MKI67: variants seen among roughly 807,000 people sequenced by gnomAD.
MKI67 encodes proliferation marker protein Ki-67.
A neutral mutation model predicts 233.5 loss-of-function variants in MKI67; 152 were observed. That is an observed-to-expected ratio of 0.65 (90% confidence interval 0.57 to 0.74). The LOEUF (loss-of-function observed/expected upper bound fraction) is 0.74, where lower values mean the gene tolerates loss of function less well. Ranked by LOEUF, MKI67 falls within the 30% of genes least tolerant of loss-of-function variation. MKI67 has a pLI of 0.00. For missense variants in MKI67, 3,940 were observed against 3,885.2 expected (o/e 1.01, Z -0.37); for synonymous variants, 1,465 against 1,418.5 (o/e 1.03, Z -0.74).
chr10:128,100,409 G>T (rs1333865874), intron 14 of MKI67, among the ~76,000 whole-genome samples: 3 of 152,206 alleles, frequency 2.0e-5, no homozygotes, highest in Admixed American at 6.5e-5. Context: ...GCCGAAGAGG[G>T]TCTGTCTGGA....
At chr10:128,113,215 C>G (rs921326961) in intron 8 of MKI67, among the ~76,000 whole-genome samples, 5 of 152,080 alleles carry the variant, frequency 3.3e-5, no homozygotes, top group African/African-American at 1.2e-4. Flanking sequence ...ACTCCCCCGA[C>G]TCGGTCGCAT....
intron 2 of MKI67, among the ~76,000 whole-genome samples, chr10:128,124,374 T>C (rs756124347): frequency 3.3e-5 from 5 of 152,202 alleles, no homozygotes; most frequent in Non-Finnish European, 7.4e-5. Context: ...TTCTGTATTG[T>C]GGGGGCTGCC....
intron 14 of MKI67, 38 bp downstream of exon 14, chr10:128,101,220 C>T: frequency 6.3e-7 from 1 of 1,582,046 alleles, no homozygotes; most frequent in Non-Finnish European, 8.6e-7. Flanking sequence ...TCAAAACATT[C>T]TGTGTCTTTT....
Position 128,112,445 on chromosome 10 carries a change from C to T in MKI67, c.1657G>A (p.Glu553Lys), listed in dbSNP as rs1477825923. Residue 553 changes from glutamate (E) to lysine (K), a missense_variant and splice_region_variant, in exon 9 of 15, where the codon GAA becomes AAA. Transcript: ENST00000368654. The stretch of plus-strand genomic sequence containing the variant: ...TGTTTTCCTGATGGTTGAGGCTGTT[C>T]CTGACAAGACAAAATTGTTTACAAG... ...TPPVLKKIIK[E>K]QPQPSGKQES... 3 of 1,612,478 alleles carry T rather than the reference C, an allele frequency of 1.9e-6. No individual in the cohort carries two copies. Among genetic ancestry groups the T allele is most frequent in the African/African-American group, 1.3e-5 (1 of 74,822 alleles).
chr10:128,125,774 G>A lies in MKI67; in HGVS notation c.-89-18C>T. On this transcript the variant is annotated intron_variant, in intron 1 of 14. Coordinates refer to ENST00000368654, the MANE Select transcript of MKI67 (RefSeq NM_002417.5). The surrounding 1 kb of genome is among the most constrained non-coding windows in gnomAD (Gnocchi z 5.3). ...CTCTTCCACTGCAAAAGAGGTGCGA[G>A]TTACTCTGATAGCAAAGGAGCTAAG... The A allele has an allele frequency of 1.1e-6, 1 of 934,828 alleles. No homozygotes were observed. The highest frequency in any genetic ancestry group is 2.5e-5 in the East Asian group (1 of 40,460). 57.9% of individuals were successfully genotyped at this position (934,828 alleles called of 1,614,324 possible). A position where few individuals can be genotyped will look rare whatever the true frequency, so the allele number is the denominator to read the frequency against.
chr10:128,099,305 T>C (rs1168349998), intron 14 of MKI67, 50 bp from the exon 15 acceptor site: 1 of 1,490,436 alleles, frequency 6.7e-7, no homozygotes, highest in Non-Finnish European at 9.3e-7. Context: ...AAACACCCAT[T>C]TTTAGAATCG....
At position 128,105,876 on chromosome 10, in the gene MKI67, TG is replaced by T; in HGVS notation, c.5963del (p.Pro1988GlnfsTer19). ...GCTTGGAGCTTGTTGGGGTTTTGAC[TG>T]GGTCTGGTTGTGGAGATTTGCAGGA... is the stretch of plus-strand genomic sequence containing the variant. ...EVSCKSPQPD[P>X]VKTPTSSKQR... On this transcript the variant is annotated frameshift_variant, in exon 13 of 15. Transcript: ENST00000368654. LOFTEE classifies it high-confidence loss of function. 1 of 1,614,116 alleles carries T rather than the reference TG, an allele frequency of 6.2e-7. No homozygotes were observed.
Position 128,104,359 on chromosome 10 carries a change from T to C in MKI67, c.7481A>G (p.Glu2494Gly). 6.2e-7 allele frequency: 1 copy of C among 1,614,210 alleles called. No individual in the cohort carries two copies. ...TGTGAGCTTGCTGACTGCTAGGGGC[T>C]CTTCTTTCATGTCCACTTTCACCAG... ...IPLVKVDMKE[E>G]PLAVSKLTRT... Residue 2494 changes from glutamate to glycine, a missense_variant, in exon 13 of 15, where the codon GAG (glutamate) becomes GGG (glycine). Transcript: ENST00000368654.
rs149971650 is a variant in MKI67 at position 128,109,892 on chromosome 10, C to G, written c.2417-469G>C. 5.0e-3 allele frequency among the ~76,000 whole-genome samples: 757 copies of G among 152,306 alleles called. 3 individuals carry two copies. The highest frequency in any genetic ancestry group is 0.017 in the African/African-American group (713 of 41,554). ...GGGTAGCAAGCTGTTCCCTCTGTGACAGGAATACAGTGACCAGTGCCAAAT... is the reference window on the plus strand; with the variant it reads ...GGGTAGCAAGCTGTTCCCTCTGTGAGAGGAATACAGTGACCAGTGCCAAAT... On this transcript the variant is annotated intron_variant, in intron 12 of 14. Coordinates refer to ENST00000368654, the MANE Select transcript of MKI67 (RefSeq NM_002417.5).
chr10:128,108,190 T>A lies in MKI67; in HGVS notation c.3650A>T (p.Lys1217Met). The A allele has an allele frequency of 2.5e-6, 4 of 1,613,410 alleles. No homozygotes were observed. The highest frequency in any genetic ancestry group is 3.4e-6 in the Non-Finnish European group (4 of 1,179,796). ...SKRQLQTPKEKAQALEDLAGF... is the reference protein window; with the variant it reads ...SKRQLQTPKEMAQALEDLAGF... The stretch of plus-strand genomic sequence containing the variant: ...AGCCAGGTCTTCTAGAGCCTGGGCC[T>A]TTTCCTTAGGAGTCTGTAGCTGTCT... The change falls in exon 13 of 15, where the codon AAG (lysine) becomes ATG (methionine). Residue 1217 changes from lysine to methionine, a missense_variant. Transcript: ENST00000368654.
At chr10:128,114,791 G>A in intron 7 of MKI67, 137 bp downstream of exon 7, 1 of 816,984 alleles carries the variant, frequency 1.2e-6, no homozygotes, top group Non-Finnish European at 1.9e-6. Context: ...CAGCGTGCGT[G>A]TCTGTCTTAT....
intron 5 of MKI67, among the ~76,000 whole-genome samples, 196 bp from the exon 6 acceptor site, chr10:128,116,732 C>T (rs1852817298): frequency 6.6e-6 from 1 of 152,166 alleles, no homozygotes; most frequent in Non-Finnish European, 1.5e-5. Context: ...CATGATGTAA[C>T]CTCATCTCTA....
rs1204261073 is a variant in MKI67, at chr10:128,126,374, G to C, written c.-365C>G. 1 of 100,520 alleles carries C rather than the reference G, an allele frequency of 9.9e-6. No homozygotes were observed. The highest frequency in any genetic ancestry group is 2.2e-5 in the Non-Finnish European group (1 of 44,708). 6.2% of individuals were successfully genotyped at this position (100,520 alleles called of 1,614,324 possible). A position where few individuals can be genotyped will look rare whatever the true frequency, so the allele number is the denominator to read the frequency against. ...GCTCTAGCGGCTCCCACCGAGTCGAGTCCTCCCGCCCGCCCGCCCGCCCGC... is the reference window on the plus strand; with the variant it reads ...GCTCTAGCGGCTCCCACCGAGTCGACTCCTCCCGCCCGCCCGCCCGCCCGC... On this transcript the variant is annotated 5_prime_UTR_variant, in exon 1 of 15. Coordinates refer to ENST00000368654, the MANE Select transcript of MKI67 (RefSeq NM_002417.5).
chr10:128,111,215 A>G (rs1253575926), intron 11 of MKI67, among the ~76,000 whole-genome samples: 1 of 152,202 alleles, frequency 6.6e-6, no homozygotes, highest in Admixed American at 6.5e-5. Flanking sequence ...ATCTTCTCAT[A>G]GGGCTTTCTT....
chr10:128,101,807 G>C (rs1248313892), intron 13 of MKI67, 106 bp from the exon 14 acceptor site: 2 of 859,862 alleles, frequency 2.3e-6, no homozygotes, highest in Non-Finnish European at 3.5e-6. Context: ...GAAATCATTT[G>C]AAAATCACAC....
At chr10:128,119,814 CTA>C (rs1274595206) in intron 4 of MKI67, among the ~76,000 whole-genome samples, 2 of 152,220 alleles carry the variant, frequency 1.3e-5, no homozygotes, top group Non-Finnish European at 2.9e-5. Flanking sequence ...TTTTAGAACA[CTA>C]TGATCACTTC....
At chr10:128,124,285 T>G (rs147469261) in intron 2 of MKI67, among the ~76,000 whole-genome samples, 1 of 152,170 alleles carries the variant, frequency 6.6e-6, no homozygotes, top group Admixed American at 6.5e-5. Flanking sequence ...CCCTTACAAC[T>G]GAGAATTTGT....
chr10:128,108,422 G>C lies in MKI67; in HGVS notation c.3418C>G (p.Pro1140Ala), dbSNP rs1852578381. The C allele has an allele frequency of 6.2e-7, 1 of 1,614,042 alleles. No individual in the cohort carries two copies. Among genetic ancestry groups the C allele is most frequent in the Non-Finnish European group, 8.5e-7 (1 of 1,180,056 alleles). The change falls in exon 13 of 15, where the codon CCA becomes GCA. Residue 1140 changes from proline (P) to alanine (A), a missense_variant. Pro to Ala is a conservative substitution (Grantham distance 27, BLOSUM62 -1). Transcript: ENST00000368654. ...KSPPPESVDT[P>A]TSTKQWPKRS... ...TTAGGCCATTGCTTTGTGCTTGTTG[G>C]AGTGTCCACTGATTCTGGTGGTGGA...
Position 128,106,837 on chromosome 10 carries a change from C to G in MKI67, c.5003G>C (p.Gly1668Ala). The G allele has an allele frequency of 1.9e-6, 3 of 1,614,142 alleles. No homozygotes were observed. Among genetic ancestry groups the G allele is most frequent in the Non-Finnish European group, 2.5e-6 (3 of 1,180,018 alleles). Residue 1668 changes from glycine to alanine, a missense_variant, in exon 13 of 15, where the codon GGA becomes GCA. Transcript: ENST00000368654. ...AAATGCTTTCATGCTCTTACCATCT[C>G]CTGTTGGCTCTGTGTGTGTGTGTGT... ...ETTHTHTEPT[G>A]DGKSMKAFME...
Sources: gnomAD v4.1 joint callset for allele counts (sites outside exome capture counted in the v4.1 genomes callset) on GRCh38, gnomAD v4.1.1 for gene constraint, Gnocchi (gnomAD v3.1) non-coding constraint, MANE v1.5 for transcripts, NCBI Gene and HGNC (gene_info 2026-07-23, HGNC 2026-07-21) for gene names.